The following NAALADL2 variants were observed in gnomAD, a reference collection of about 807,000 sequenced individuals.
NAALADL2 encodes the protein inactive N-acetylated-alpha-linked acidic dipeptidase-like protein 2.
In NAALADL2, 76 loss-of-function variants were observed where a neutral mutation model predicts 87.2. The observed-to-expected ratio is 0.87, with a 90% CI of 0.72 to 1.05. The LOEUF (loss-of-function observed/expected upper bound fraction) is 1.05. Among genes scored for constraint, NAALADL2 ranks in the 50% least tolerant of loss-of-function variants. The pLI, the probability that NAALADL2 is intolerant of heterozygous loss-of-function variation, is 0.00. For missense variants in NAALADL2, 1,089 were observed against 945.8 expected (o/e 1.15, Z -1.99); for synonymous variants, 354 against 331.0 (o/e 1.07, Z -0.75).
At chr3:175,476,177 G>A (rs1000164363) in intron 9 of NAALADL2, among the ~76,000 whole-genome samples, 7 of 152,040 alleles carry the variant, frequency 4.6e-5, no homozygotes, top group Admixed American at 1.3e-4. Flanking sequence ...AACTACGTTC[G>A]TTGGAGTTTT....
At chr3:175,237,969 A>G (rs1019138120) in intron 3 of NAALADL2, among the ~76,000 whole-genome samples, 11 of 152,190 alleles carry the variant, frequency 7.2e-5, no homozygotes, top group African/African-American at 2.4e-5. Context: ...AGAACCAACC[A>G]GTGGTTTTAT....
rs531900093 is a variant in NAALADL2, at chr3:175,721,986, A to G, written c.1897-15320A>G. On this transcript the variant is annotated intron_variant, in intron 11 of 13. Transcript: ENST00000454872. ...ATATGGTATGTTTACCAAATTTTCC[A>G]TTCGTATTTCATATTTTCATCATAC... Among the ~76,000 whole-genome samples the G allele has an allele frequency of 2.3e-4, 35 of 152,106 alleles. No homozygotes were observed. In the East Asian group the frequency reaches 6.2e-3, roughly 27 times the overall value.
At position 175,072,785 on chromosome 3, in the gene NAALADL2, A is replaced by T. The variant is rs1195155529; in HGVS notation, c.44-24005A>T. On this transcript the variant is annotated intron_variant, in intron 1 of 13. Transcript: ENST00000454872. ...GCACACCAACATGGCACATGTATAC[A>T]TATGTAACAAACCTGCACATTGTGC... Among the ~76,000 whole-genome samples, 3 of 151,702 alleles carry T rather than the reference A, an allele frequency of 2.0e-5. No individual in the cohort carries two copies. In the East Asian group the frequency reaches 5.9e-4, roughly 30 times the overall value.
chr3:174,970,007 C>A (rs1743408589), intron 1 of NAALADL2, among the ~76,000 whole-genome samples: 1 of 152,100 alleles, frequency 6.6e-6, no homozygotes, highest in African/African-American at 2.4e-5. Context: ...AACTTGAGTT[C>A]TTTTGTCATT....
At chr3:175,484,594 T>G (rs1726982638) in intron 9 of NAALADL2, among the ~76,000 whole-genome samples, 1 of 152,138 alleles carries the variant, frequency 6.6e-6, no homozygotes, top group African/African-American at 2.4e-5. Flanking sequence ...TAGGGAAGCA[T>G]TTTATAATGT....
At chr3:174,742,696 C>T (rs1389806698) in intron 3 of NAALADL2, among the ~76,000 whole-genome samples, 6 of 151,596 alleles carry the variant, frequency 4.0e-5, no homozygotes, top group Middle Eastern at 3.4e-3. Flanking sequence ...AAACAAATGA[C>T]ATGTGTGAGA....
chr3:174,816,257 C>T (rs1720787857), intron 3 of NAALADL2, among the ~76,000 whole-genome samples: 1 of 151,264 alleles, frequency 6.6e-6, no homozygotes, highest in Non-Finnish European at 1.5e-5. Context: ...TCTTTTATTT[C>T]TTCTCTCTGT....
intron 1 of NAALADL2, among the ~76,000 whole-genome samples, chr3:175,001,538 G>A (rs749769150): frequency 2.6e-5 from 4 of 152,076 alleles, no homozygotes; most frequent in Non-Finnish European, 5.9e-5. Context: ...AACTCCTTTT[G>A]CCAATCTGAG....
At chr3:174,747,687 T>C (rs1206842107) in intron 3 of NAALADL2, among the ~76,000 whole-genome samples, 2 of 127,454 alleles carry the variant, frequency 1.6e-5, no homozygotes. Context: ...TGTGGATAAA[T>C]AGGAACACAT....
intron 2 of NAALADL2, among the ~76,000 whole-genome samples, chr3:174,627,127 T>A (rs1441029370): frequency 6.6e-6 from 1 of 152,172 alleles, no homozygotes; most frequent in Non-Finnish European, 1.5e-5. Context: ...TTATTAAGTA[T>A]GAATCTATCA....
chr3:175,107,535 A>AAC (rs35188653), intron 2 of NAALADL2, among the ~76,000 whole-genome samples: 20,639 of 145,958 alleles, frequency 0.14, 1,453 homozygotes, highest in African/African-American at 0.19. Flanking sequence ...CACACACACA[A>AAC]ACACACACAC....
chr3:175,236,480 G>A (rs1745887912), intron 3 of NAALADL2, among the ~76,000 whole-genome samples: 1 of 151,656 alleles, frequency 6.6e-6, no homozygotes, highest in African/African-American at 2.4e-5. Flanking sequence ...GCCCAGGAGG[G>A]GAGGTTGCAG....
At chr3:175,032,228 G>T (rs1186630783) in intron 1 of NAALADL2, among the ~76,000 whole-genome samples, 1 of 151,766 alleles carries the variant, frequency 6.6e-6, no homozygotes, top group Non-Finnish European at 1.5e-5. Flanking sequence ...TTTCTTGTAG[G>T]ATTTTTATAA....
intron 4 of NAALADL2, among the ~76,000 whole-genome samples, chr3:175,296,493 G>T (rs1042300963): frequency 3.3e-5 from 5 of 152,080 alleles, no homozygotes; most frequent in African/African-American, 1.2e-4. Flanking sequence ...ATTCATTTCT[G>T]CTTAAAAGCC....
At chr3:174,926,486 A>G (rs1736057990) in intron 1 of NAALADL2, among the ~76,000 whole-genome samples, 1 of 152,238 alleles carries the variant, frequency 6.6e-6, no homozygotes, top group Non-Finnish European at 1.5e-5. Context: ...AGAGAAGCCC[A>G]TCAGACTAAC....
chr3:175,059,093 A>C (rs925836444), intron 1 of NAALADL2, among the ~76,000 whole-genome samples: 11 of 152,186 alleles, frequency 7.2e-5, no homozygotes, highest in Non-Finnish European at 2.9e-5. Context: ...TTTAAGTAAA[A>C]TAATGACACT....
At chr3:174,988,719 C>G (rs1036575982) in intron 1 of NAALADL2, among the ~76,000 whole-genome samples, 2 of 152,120 alleles carry the variant, frequency 1.3e-5, no homozygotes, top group Admixed American at 1.3e-4. Flanking sequence ...CTCCTGTGTG[C>G]ATGTTTGTGT....
At chr3:174,881,778 T>C (rs1477126993) in intron 1 of NAALADL2, among the ~76,000 whole-genome samples, 1 of 152,114 alleles carries the variant, frequency 6.6e-6, no homozygotes, top group African/African-American at 2.4e-5. Flanking sequence ...GCTGCTCACC[T>C]CAGGAACATT....
chr3:174,702,124 A>G (rs973151256), intron 2 of NAALADL2, among the ~76,000 whole-genome samples: 3 of 152,158 alleles, frequency 2.0e-5, no homozygotes, highest in African/African-American at 7.2e-5. Context: ...TCTACTAAGT[A>G]TGTAGTGATA....
Sources: gnomAD v4.1 joint callset for allele counts (sites outside exome capture counted in the v4.1 genomes callset) on GRCh38, gnomAD v4.1.1 for gene constraint, MANE v1.5 for transcripts, NCBI Gene and HGNC (gene_info 2026-07-23, HGNC 2026-07-21) for gene names.